MAST2: variants seen among roughly 807,000 people sequenced by gnomAD.
MAST2 encodes the protein microtubule-associated serine/threonine-protein kinase 2.
A neutral mutation model predicts 147.4 loss-of-function variants in MAST2; 70 were observed. The observed-to-expected ratio is 0.47, with a 90% CI of 0.39 to 0.58. The LOEUF is 0.58. Ranked by LOEUF, MAST2 falls within the 20% of genes least tolerant of loss-of-function variation. The pLI, the probability that MAST2 is intolerant of heterozygous loss-of-function variation, is 0.00. For synonymous variants in MAST2, 869 were observed against 896.8 expected (o/e 0.97, Z 0.55); for missense variants, 2,080 against 2,302.3 (o/e 0.90, Z 1.98).
chr1:45,996,374 T>TA (rs1267985083), intron 5 of MAST2, among the ~76,000 whole-genome samples: 1 of 152,160 alleles, frequency 6.6e-6, no homozygotes, highest in East Asian at 1.9e-4. Flanking sequence ...GAATTTTTTT[T>TA]AAAAAAATAA....
At chr1:45,811,439 C>T (rs552146071) in intron 1 of MAST2, among the ~76,000 whole-genome samples, 2 of 150,648 alleles carry the variant, frequency 1.3e-5, no homozygotes, top group East Asian at 2.0e-4. Flanking sequence ...CCCGGGTTCG[C>T]GCCATTCTCT....
At chr1:45,948,299 A>G (rs1475559813) in intron 4 of MAST2, among the ~76,000 whole-genome samples, 2 of 152,248 alleles carry the variant, frequency 1.3e-5, no homozygotes, top group African/African-American at 4.8e-5. Flanking sequence ...ATGGATAGGA[A>G]GAATCAATAT....
intron 5 of MAST2, among the ~76,000 whole-genome samples, chr1:45,960,342 C>G (rs1171633073): frequency 6.6e-6 from 1 of 151,980 alleles, no homozygotes; most frequent in Non-Finnish European, 1.5e-5. Context: ...AACCCCGTCT[C>G]TACAAAAAAT....
chr1:45,994,427 C>T (rs113445914), intron 5 of MAST2, among the ~76,000 whole-genome samples: 2 of 151,976 alleles, frequency 1.3e-5, no homozygotes, highest in African/African-American at 4.8e-5. Context: ...GCTGGGATTA[C>T]AGGCATGTGC....
chr1:45,997,666 A>G, intron 5 of MAST2, 58 bp from the exon 6 acceptor site: 1 of 1,332,162 alleles, frequency 7.5e-7, no homozygotes, highest in Non-Finnish European at 1.1e-6. Context: ...CCCGAAAGTC[A>G]TGTCCACCCT....
intron 3 of MAST2, among the ~76,000 whole-genome samples, chr1:45,861,079 G>C (rs1395474458): frequency 6.6e-6 from 1 of 152,108 alleles, no homozygotes; most frequent in Non-Finnish European, 1.5e-5. Context: ...TATTCTTAAA[G>C]TATACCAGTT....
chr1:45,917,753 G>A (rs565806212), intron 4 of MAST2, among the ~76,000 whole-genome samples: 6 of 152,270 alleles, frequency 3.9e-5, no homozygotes, highest in Admixed American at 6.5e-5. Context: ...ATTATAAGTT[G>A]TGTGCCCATC....
chr1:46,020,605 T>C (rs889942898), intron 11 of MAST2, among the ~76,000 whole-genome samples: 6 of 152,208 alleles, frequency 3.9e-5, no homozygotes, highest in Non-Finnish European at 7.3e-5. Context: ...ATTTAACAAA[T>C]ACACACTTGT....
chr1:45,999,119 AAAAT>A (rs1645173860), intron 6 of MAST2, among the ~76,000 whole-genome samples: 1 of 152,218 alleles, frequency 6.6e-6, no homozygotes, highest in Non-Finnish European at 1.5e-5. Flanking sequence ...ATGATAACCC[AAAAT>A]AAATCCATCC....
chr1:45,878,924 A>G (rs1263007030), intron 3 of MAST2, among the ~76,000 whole-genome samples: 1 of 116,140 alleles, frequency 8.6e-6, no homozygotes, highest in East Asian at 2.4e-4. Flanking sequence ...GTATAATCCC[A>G]GCAGGCTTTT....
rs1644787478 is a variant in MAST2 at position 45,826,219 on chromosome 1, G to A, written c.325+1639G>A. Among the ~76,000 whole-genome samples, 5 of 152,262 alleles carry A rather than the reference G, an allele frequency of 3.3e-5. 1 individual carries two copies. Among genetic ancestry groups the A allele is most frequent in the Admixed American group, 3.3e-4 (5 of 15,294 alleles). On this transcript the variant is annotated intron_variant, in intron 2 of 28. Coordinates refer to ENST00000361297, the MANE Select transcript of MAST2 (RefSeq NM_015112.3). ...TAATTGCATGGCTGCCGGGTACATT[G>A]TTGAAATGTGGTTGTGTTTGACTGT...
intron 2 of MAST2, among the ~76,000 whole-genome samples, chr1:45,825,055 T>A (rs1644749413): frequency 6.6e-6 from 1 of 152,254 alleles, no homozygotes; most frequent in African/African-American, 2.4e-5. Context: ...AGATGGAGTT[T>A]CGCTCCGTAG....
At chr1:45,829,674 T>G in intron 3 of MAST2, 93 bp downstream of exon 3, 1 of 1,333,198 alleles carries the variant, frequency 7.5e-7, no homozygotes, top group Non-Finnish European at 1.0e-6. Context: ...TTTTAGGATT[T>G]GGAGAATTCA....
chr1:46,004,629 C>CTG (rs1645411050), intron 7 of MAST2, among the ~76,000 whole-genome samples: 1 of 152,184 alleles, frequency 6.6e-6, no homozygotes, highest in Non-Finnish European at 1.5e-5. Flanking sequence ...CCTGTGGAGA[C>CTG]ATCTCACTCG....
chr1:45,905,465 G>A (rs181081399), intron 4 of MAST2, among the ~76,000 whole-genome samples: 2 of 152,108 alleles, frequency 1.3e-5, no homozygotes, highest in African/African-American at 4.8e-5. Context: ...GGGATTATAG[G>A]CATGTTTAAT....
intron 4 of MAST2, among the ~76,000 whole-genome samples, chr1:45,882,881 C>T (rs1034658412): frequency 2.6e-5 from 4 of 152,206 alleles, no homozygotes; most frequent in African/African-American, 9.6e-5. Flanking sequence ...TTTCTGGCTT[C>T]AGGGTTAGGG....
At position 45,959,383 on chromosome 1, in the gene MAST2, C is replaced by A. The variant is rs761199892; in HGVS notation, c.501-3C>A. On this transcript the variant is annotated splice_polypyrimidine_tract_variant and splice_region_variant and intron_variant, in intron 4 of 28. Transcript: ENST00000361297. ...TATAATTCATATTTTGTTTTCATTG[C>A]AGTTGTCGGACAAGTAACCGCAAGA... 6.2e-7 allele frequency: 1 copy of A among 1,612,592 alleles called. No individual in the cohort carries two copies. Among genetic ancestry groups the A allele is most frequent in the Non-Finnish European group, 8.5e-7 (1 of 1,178,816 alleles).
chr1:45,838,803 A>G (rs1372854613), intron 3 of MAST2, among the ~76,000 whole-genome samples: 1 of 144,898 alleles, frequency 6.9e-6, no homozygotes, highest in African/African-American at 2.5e-5. Context: ...AAACTTAAAA[A>G]TCAGGACTGT....
chr1:45,894,218 TAA>T (rs61201783), intron 4 of MAST2, among the ~76,000 whole-genome samples: 481 of 143,324 alleles, frequency 3.4e-3, no homozygotes, highest in Non-Finnish European at 4.7e-3. Context: ...TGTCTCAAAT[TAA>T]AAAAAAAAAA....
Sources: allele counts gnomAD v4.1 joint callset (sites outside exome capture counted in the v4.1 genomes callset), GRCh38; gene constraint gnomAD v4.1.1; transcripts MANE v1.5; gene names NCBI Gene and HGNC (gene_info 2026-07-23, HGNC 2026-07-21).